The following IL1RAPL1 variants were observed in gnomAD, a reference collection of about 807,000 sequenced individuals.
IL1RAPL1 encodes interleukin-1 receptor accessory protein-like 1.
In IL1RAPL1, 3 loss-of-function variants were observed where a neutral mutation model predicts 48.4. The observed-to-expected ratio is 0.06, with a 90% CI of 0.03 to 0.16. The LOEUF (loss-of-function observed/expected upper bound fraction) is 0.16. Ranked by LOEUF, IL1RAPL1 falls within the 10% of genes least tolerant of loss-of-function variation. IL1RAPL1 has a pLI of 1.00. For synonymous variants in IL1RAPL1, 185 were observed against 187.7 expected, an observed-to-expected ratio of 0.99 and a Z score of 0.12; for missense variants, 349 against 530.6, an observed-to-expected ratio of 0.66 and a Z score of 3.36.
At chrX:29,288,673 C>T (rs984044494) in intron 3 of IL1RAPL1, among the ~76,000 whole-genome samples, 1 of 112,241 alleles carries the variant, frequency 8.9e-6, no homozygotes, top group Admixed American at 9.5e-5. Context: ...TGGGAATATG[C>T]CCAGTAATGG....
chrX:29,089,747 T>C (rs1288658597), intron 2 of IL1RAPL1, among the ~76,000 whole-genome samples: 2 of 53,651 alleles, frequency 3.7e-5, no homozygotes, highest in African/African-American at 7.3e-5. Context: ...CAGAGAAATA[T>C]GAATATATAT....
chrX:28,596,053 G>A (rs762117056), intron 1 of IL1RAPL1, among the ~76,000 whole-genome samples: 2 of 111,279 alleles, frequency 1.8e-5, no homozygotes, highest in Non-Finnish European at 3.8e-5. Context: ...AGCTCTAGGA[G>A]GCAAGTGCCT....
chrX:29,032,963 CAAAT>C (rs1926654018), intron 2 of IL1RAPL1, among the ~76,000 whole-genome samples: 1 of 112,116 alleles, frequency 8.9e-6, no homozygotes, highest in African/African-American at 3.2e-5. Context: ...TACTGTGTGA[CAAAT>C]AAGGCTAATA....
chrX:29,861,272 T>A (rs1272612090), intron 6 of IL1RAPL1, among the ~76,000 whole-genome samples: 1 of 111,518 alleles, frequency 9.0e-6, no homozygotes, highest in Non-Finnish European at 1.9e-5. Flanking sequence ...ATATCAATAT[T>A]TGAATCATCC....
chrX:29,371,202 G>A (rs1353032117), intron 3 of IL1RAPL1, among the ~76,000 whole-genome samples: 1 of 99,121 alleles, frequency 1.0e-5, no homozygotes, highest in East Asian at 3.1e-4. Flanking sequence ...CACGATCTTG[G>A]CTCACTGCAA....
intron 2 of IL1RAPL1, among the ~76,000 whole-genome samples, chrX:28,959,861 A>G (rs1924720793): frequency 8.9e-6 from 1 of 111,985 alleles, no homozygotes; most frequent in African/African-American, 3.2e-5. Context: ...TATTTCAACC[A>G]TTGCAGTCTC....
chrX:29,061,664 G>A (rs1927344102), intron 2 of IL1RAPL1, among the ~76,000 whole-genome samples: 1 of 111,788 alleles, frequency 8.9e-6, no homozygotes, highest in Non-Finnish European at 1.9e-5. Context: ...TCACCATTTT[G>A]GCCAGGCTGC....
intron 6 of IL1RAPL1, among the ~76,000 whole-genome samples, chrX:29,778,788 T>C (rs932863288): frequency 5.3e-5 from 6 of 112,287 alleles, no homozygotes; most frequent in African/African-American, 1.9e-4. Flanking sequence ...CAGAAATATT[T>C]ACAAATGTAG....
chrX:29,094,420 T>C (rs1928158059), intron 2 of IL1RAPL1, among the ~76,000 whole-genome samples: 1 of 109,975 alleles, frequency 9.1e-6, no homozygotes, highest in South Asian at 3.8e-4. Flanking sequence ...GTTGATAACA[T>C]ATTGGTTTTC....
chrX:29,168,617 A>C (rs1929836855), intron 2 of IL1RAPL1, among the ~76,000 whole-genome samples: 1 of 75,333 alleles, frequency 1.3e-5, no homozygotes, highest in Non-Finnish European at 3.0e-5. Flanking sequence ...TTGTATATTT[A>C]TATTCATATA....
chrX:29,642,618 C>T (rs1465527965), intron 5 of IL1RAPL1, among the ~76,000 whole-genome samples: 4 of 112,639 alleles, frequency 3.6e-5, no homozygotes, highest in Non-Finnish European at 3.7e-5. Context: ...AGCTTCCCAA[C>T]GGATGTGCAG....
At chrX:28,654,811 G>C (rs1371101317) in intron 1 of IL1RAPL1, among the ~76,000 whole-genome samples, 6 of 112,052 alleles carry the variant, frequency 5.4e-5, no homozygotes, top group Non-Finnish European at 1.1e-4. Context: ...GAGTCTCATG[G>C]AAATTGGGAA....
intron 1 of IL1RAPL1, among the ~76,000 whole-genome samples, chrX:28,783,707 C>T (rs771524802): frequency 5.4e-5 from 6 of 111,684 alleles, no homozygotes; most frequent in Non-Finnish European, 1.1e-4. Flanking sequence ...TTCTGTCCTA[C>T]TCTACCTGTA....
At chrX:29,779,265 C>T (rs985702341) in intron 6 of IL1RAPL1, among the ~76,000 whole-genome samples, 2 of 111,481 alleles carry the variant, frequency 1.8e-5, no homozygotes, top group African/African-American at 6.5e-5. Flanking sequence ...TCTGTTGCTT[C>T]AATTTACAAA....
chrX:28,792,816 A>AAAAAAAAAAAAAATAT (rs1936562170), intron 2 of IL1RAPL1, among the ~76,000 whole-genome samples: 1 of 10,108 alleles, frequency 9.9e-5, no homozygotes, highest in Non-Finnish European at 1.8e-4. Flanking sequence ...AAAAAAAAAA[A>AAAAAAAAAAAAAATAT]ATATATATAT....
chrX:28,704,421 A>AACACACACACAC (rs71703533), intron 1 of IL1RAPL1, among the ~76,000 whole-genome samples: 62 of 89,536 alleles, frequency 6.9e-4, no homozygotes, highest in Middle Eastern at 6.4e-3. Context: ...AAAACACACA[A>AACACACACACAC]ACACACACAC....
chrX:28,740,666 A>G, intron 1 of IL1RAPL1, among the ~76,000 whole-genome samples: 1 of 110,701 alleles, frequency 9.0e-6, no homozygotes, highest in East Asian at 2.9e-4. Flanking sequence ...ACCCTCAACT[A>G]GGCCCCAGTG....
At chrX:29,684,356 G>A (rs1299216402) in intron 6 of IL1RAPL1, among the ~76,000 whole-genome samples, 2 of 110,803 alleles carry the variant, frequency 1.8e-5, no homozygotes, top group Non-Finnish European at 3.8e-5. Context: ...TCTTTTATAA[G>A]GGCATTAATC....
intron 1 of IL1RAPL1, among the ~76,000 whole-genome samples, chrX:28,687,689 G>A (rs1444525374): frequency 1.8e-5 from 2 of 110,593 alleles, no homozygotes; most frequent in Non-Finnish European, 3.8e-5. Context: ...GGCTGAGGCA[G>A]GAGAATGGCA....
Sources: gnomAD v4.1 joint callset for allele counts (sites outside exome capture counted in the v4.1 genomes callset) on GRCh38, gnomAD v4.1.1 for gene constraint, MANE v1.5 for transcripts, NCBI Gene and HGNC (gene_info 2026-07-23, HGNC 2026-07-21) for gene names.